Variants in MIR2052HG observed in about 807,000 individuals in gnomAD.
MIR2052HG encodes MIR2052 host gene.
At chr8:74,756,744 CTTGT>C (rs1362778934) in intron 5 of MIR2052HG, 1 of 152,042 alleles carries the variant, frequency 6.6e-6, no homozygotes, top group Non-Finnish European at 1.5e-5. Context: ...CTTATAATTG[CTTGT>C]TTGATATCTG....
chr8:74,604,291 G>C, intron 1 of MIR2052HG: 1 of 739,068 alleles, frequency 1.4e-6, no homozygotes, highest in Non-Finnish European at 2.5e-6. Flanking sequence ...TCAAGTCTTT[G>C]GTCACTGATG....
At chr8:74,746,753 C>T (rs1023392754) in intron 4 of MIR2052HG, among the ~76,000 whole-genome samples, 1 of 152,036 alleles carries the variant, frequency 6.6e-6, no homozygotes, top group Non-Finnish European at 1.5e-5. Context: ...AAGACACCAT[C>T]ACCCAAGCTA....
At chr8:74,671,576 T>C (rs1411002422) in intron 2 of MIR2052HG, among the ~76,000 whole-genome samples, 1 of 152,126 alleles carries the variant, frequency 6.6e-6, no homozygotes, top group Non-Finnish European at 1.5e-5. Context: ...GATATAAAAA[T>C]GTTATTAACA....
chr8:74,632,902 GTC>G (rs2128734431), intron 2 of MIR2052HG, among the ~76,000 whole-genome samples: 1 of 152,256 alleles, frequency 6.6e-6, no homozygotes, highest in South Asian at 2.1e-4. Flanking sequence ...CTCCCAGGCT[GTC>G]TCTGTTTTCT....
intron 2 of MIR2052HG, among the ~76,000 whole-genome samples, chr8:74,654,756 GGA>G (rs1808787112): frequency 6.6e-6 from 1 of 152,098 alleles, no homozygotes; most frequent in Non-Finnish European, 1.5e-5. Context: ...ATTGGTATCA[GGA>G]GTAGGGTGTT....
chr8:74,669,579 A>G (rs1394084572), intron 2 of MIR2052HG, among the ~76,000 whole-genome samples: 1 of 152,138 alleles, frequency 6.6e-6, no homozygotes, highest in African/African-American at 2.4e-5. Context: ...CCAGAACCCC[A>G]TATGATGAAC....
intron 2 of MIR2052HG, among the ~76,000 whole-genome samples, chr8:74,671,784 A>G (rs1808995289): frequency 6.6e-6 from 1 of 152,072 alleles, no homozygotes; most frequent in South Asian, 2.1e-4. Flanking sequence ...AACCCTTTGT[A>G]TTTTCAGATC....
chr8:74,706,719 G>A (rs183122066), intron 4 of MIR2052HG, among the ~76,000 whole-genome samples: 1 of 152,044 alleles, frequency 6.6e-6, no homozygotes, highest in Non-Finnish European at 1.5e-5. Context: ...TTAACCAATT[G>A]TAAAAATAAG....
chr8:74,731,145 T>C (rs574328253), intron 4 of MIR2052HG, among the ~76,000 whole-genome samples: 52 of 152,238 alleles, frequency 3.4e-4, no homozygotes, highest in African/African-American at 1.2e-3. Flanking sequence ...GACACATGAA[T>C]GGAGTTGTCA....
intron 4 of MIR2052HG, among the ~76,000 whole-genome samples, chr8:74,730,922 TGAAAAG>T (rs1809685485): frequency 1.3e-5 from 2 of 152,114 alleles, no homozygotes; most frequent in South Asian, 4.1e-4. Context: ...CTCAGGTGCC[TGAAAAG>T]GAAAAGAAGG....
chr8:74,635,084 A>T (rs1808566006), intron 2 of MIR2052HG, among the ~76,000 whole-genome samples: 1 of 152,156 alleles, frequency 6.6e-6, no homozygotes. Flanking sequence ...GGGTGAATGG[A>T]AATGTGAGAA....
chr8:74,708,794 TA>T (rs201500233), intron 4 of MIR2052HG, among the ~76,000 whole-genome samples: 8,292 of 149,772 alleles, frequency 0.055, 280 homozygotes, highest in Middle Eastern at 0.15. Context: ...AATTTAAATT[TA>T]AAAAAAATTT....
At chr8:74,610,164 T>C (rs1808172376) in intron 1 of MIR2052HG, 1 of 151,802 alleles carries the variant, frequency 6.6e-6, no homozygotes, top group African/African-American at 2.4e-5. Context: ...ACTAGAATAA[T>C]GTGTGAATTT....
At chr8:74,655,522 A>T (rs1808797520) in intron 2 of MIR2052HG, among the ~76,000 whole-genome samples, 1 of 152,158 alleles carries the variant, frequency 6.6e-6, no homozygotes, top group Admixed American at 6.5e-5. Flanking sequence ...GTTTCAGAGG[A>T]TCCAAGCCCT....
intron 4 of MIR2052HG, among the ~76,000 whole-genome samples, chr8:74,751,515 G>T (rs534169837): frequency 2.6e-5 from 4 of 152,184 alleles, no homozygotes; most frequent in Non-Finnish European, 4.4e-5. Flanking sequence ...TTAATTGGTT[G>T]ATGAAAATGT....
chr8:74,629,706 G>A (rs1022600910), intron 2 of MIR2052HG, among the ~76,000 whole-genome samples: 1 of 152,116 alleles, frequency 6.6e-6, no homozygotes. Context: ...CCAGTACAAG[G>A]TATCTGAGTG....
intron 1 of MIR2052HG, among the ~76,000 whole-genome samples, chr8:74,602,248 T>C (rs1178869144): frequency 6.6e-6 from 1 of 152,196 alleles, no homozygotes; most frequent in Non-Finnish European, 1.5e-5. Context: ...CACTGCTTAT[T>C]AGATGCTAAT....
intron 4 of MIR2052HG, among the ~76,000 whole-genome samples, chr8:74,727,450 T>C (rs1745437868): frequency 6.6e-6 from 1 of 152,196 alleles, no homozygotes; most frequent in South Asian, 2.1e-4. Context: ...GGCTCAGAGA[T>C]TTAAAAAGTA....
intron 2 of MIR2052HG, among the ~76,000 whole-genome samples, chr8:74,690,831 G>A (rs1368832545): frequency 1.3e-5 from 2 of 151,968 alleles, no homozygotes; most frequent in Admixed American, 6.6e-5. Context: ...GAAGACATCC[G>A]GTACCCACAA....
Sources: allele counts gnomAD v4.1 joint callset (sites outside exome capture counted in the v4.1 genomes callset), GRCh38; gene constraint gnomAD v4.1.1; transcripts MANE v1.5; gene names NCBI Gene and HGNC (gene_info 2026-07-23, HGNC 2026-07-21).